The following RPAP3 variants were observed in gnomAD, a reference collection of about 807,000 sequenced individuals.
RPAP3 encodes the protein RNA polymerase II-associated protein 3.
Under a neutral mutation model 88.8 loss-of-function variants are expected in RPAP3, and 58 were observed. That is an observed-to-expected ratio of 0.65 (90% CI 0.53 to 0.81). The LOEUF is 0.81. Among genes scored for constraint, RPAP3 ranks in the 40% least tolerant of loss-of-function variants. RPAP3 has a pLI of 0.00. For missense variants in RPAP3, 751 were observed against 764.3 expected, an observed-to-expected ratio of 0.98 and a Z score of 0.20; for synonymous variants, 255 against 259.9, an observed-to-expected ratio of 0.98 and a Z score of 0.18.
chr12:47,692,469 C>G (rs1294680905), intron 5 of RPAP3, among the ~76,000 whole-genome samples: 2 of 152,196 alleles, frequency 1.3e-5, no homozygotes, highest in African/African-American at 4.8e-5. Context: ...ACCTCATGAA[C>G]CAACTTCTGC....
rs762310030 is a variant in RPAP3 at position 47,679,446 on chromosome 12, TACAACATATTTAAATGGCAAGGAAA to T, written c.1287+22_1287+46del. ...AATAGTTGGTTTCCAATTCTCCTAT[TACAACATATTTAAATGGCAAGGAAA>T]AAATGAAAGTGCTTTACTTACAGTT... is the stretch of plus-strand genomic sequence containing the variant. On this transcript the variant is annotated intron_variant, in intron 12 of 16. Transcript: ENST00000005386. 5.5e-6 allele frequency: 7 copies of T among 1,263,380 alleles called. No individual in the cohort carries two copies. In the African/African-American group the frequency reaches 1.0e-4, roughly 19 times the overall value. The allele number at this position is 1,263,380 out of a possible 1,614,324, so 78.3% of individuals were successfully genotyped here. A position where few individuals can be genotyped will look rare whatever the true frequency, so the allele number is the denominator to read the frequency against.
intron 10 of RPAP3, 41 bp downstream of exon 10, chr12:47,681,655 C>T: frequency 6.3e-7 from 1 of 1,594,128 alleles, no homozygotes; most frequent in Non-Finnish European, 8.5e-7. Flanking sequence ...AACTTGGGCA[C>T]TCATCAGGAT....
intron 12 of RPAP3, among the ~76,000 whole-genome samples, chr12:47,671,322 G>A (rs928481788): frequency 3.9e-5 from 6 of 152,102 alleles, no homozygotes; most frequent in African/African-American, 1.4e-4. Flanking sequence ...ATATACTTTT[G>A]TATATGTTTG....
chr12:47,699,739 T>C (rs1453138243), intron 3 of RPAP3: 1 of 152,140 alleles, frequency 6.6e-6, no homozygotes, highest in African/African-American at 2.4e-5. Flanking sequence ...AAAAGTATTA[T>C]CAATAAGAGA....
intron 9 of RPAP3, among the ~76,000 whole-genome samples, chr12:47,682,645 C>A (rs1939246268): frequency 6.7e-6 from 1 of 150,024 alleles, no homozygotes; most frequent in Admixed American, 6.7e-5. Flanking sequence ...TATTATACTA[C>A]TTTTGTATAA....
chr12:47,671,561 A>G (rs1459696927), intron 12 of RPAP3, among the ~76,000 whole-genome samples: 2 of 152,358 alleles, frequency 1.3e-5, no homozygotes, highest in East Asian at 1.9e-4. Flanking sequence ...CAAAAATGAA[A>G]AAGCTGTAAG....
intron 13 of RPAP3, among the ~76,000 whole-genome samples, chr12:47,669,501 C>T (rs1257837683): frequency 6.6e-6 from 1 of 152,022 alleles, no homozygotes. Context: ...ATAGTATTGT[C>T]CCATGATCTA....
chr12:47,672,437 C>T (rs1349343997), intron 12 of RPAP3, among the ~76,000 whole-genome samples: 3 of 152,184 alleles, frequency 2.0e-5, no homozygotes, highest in Non-Finnish European at 4.4e-5. Flanking sequence ...ATTGCCTCAG[C>T]ATTTATGCAC....
chr12:47,670,020 G>C (rs1353222390), intron 13 of RPAP3, 87 bp downstream of exon 13: 1 of 880,014 alleles, frequency 1.1e-6, no homozygotes, highest in Non-Finnish European at 1.9e-6. Context: ...AGCATGATGA[G>C]TACAAATCAG....
chr12:47,666,244 G>A (rs1229970013), intron 16 of RPAP3, among the ~76,000 whole-genome samples: 5 of 152,072 alleles, frequency 3.3e-5, no homozygotes, highest in African/African-American at 9.7e-5. Flanking sequence ...TTCTCAAAAC[G>A]GACTCTTTAT....
At chr12:47,690,454 T>C (rs1723253239) in intron 6 of RPAP3, 64 bp downstream of exon 6, 2 of 1,352,798 alleles carry the variant, frequency 1.5e-6, no homozygotes, top group African/African-American at 2.9e-5. Context: ...TACTCAGTAT[T>C]CTCCATATAG....
chr12:47,690,381 T>C, intron 6 of RPAP3, 137 bp downstream of exon 6: 2 of 632,902 alleles, frequency 3.2e-6, no homozygotes, highest in Non-Finnish European at 4.9e-6. Flanking sequence ...CAAGATATCA[T>C]TTCAGTTGCA....
chr12:47,670,203 T>C lies in RPAP3; in HGVS notation c.1430A>G (p.Lys477Arg). The change falls in exon 13 of 17, where the codon AAG becomes AGG. Residue 477 changes from lysine (K) to arginine (R), a missense_variant. Transcript: ENST00000005386. ...NVIAATGTTSKKNSSQDDLFP... is the reference protein window; with the variant it reads ...NVIAATGTTSRKNSSQDDLFP... ...AAGGTCATCTTGGCTTGAATTCTTC[T>C]TACTTGTGGTGCCTGTGGCTGCTAT... The C allele has an allele frequency of 6.2e-7, 1 of 1,614,052 alleles. No homozygotes were observed. Among genetic ancestry groups the C allele is most frequent in the Non-Finnish European group, 8.5e-7 (1 of 1,179,926 alleles).
intron 5 of RPAP3, among the ~76,000 whole-genome samples, chr12:47,694,329 C>T (rs1041846015): frequency 6.6e-6 from 1 of 152,056 alleles, no homozygotes; most frequent in Non-Finnish European, 1.5e-5. Flanking sequence ...GAAAGTAGGG[C>T]TATTCCAAAA....
At position 47,686,710 on chromosome 12, in the gene RPAP3, T is replaced by C. The variant is rs149070608; in HGVS notation, c.992+70A>G. 3.6e-4 allele frequency: 447 copies of C among 1,232,428 alleles called. 1 individual carries two copies. The African/African-American group carries it at 6.5e-3, about 18-fold the overall frequency. The allele number at this position is 1,232,428 out of a possible 1,614,324, so 76.3% of individuals were successfully genotyped here. ...GCCATAATTGGCATGTTAGGTAACT[T>C]ATGGTAAAAATTTACCAATTTATTG... is the stretch of plus-strand genomic sequence containing the variant. On this transcript the variant is annotated intron_variant, in intron 9 of 16. Transcript: ENST00000005386.
chr12:47,668,467 T>C (rs1237961038), intron 14 of RPAP3, among the ~76,000 whole-genome samples: 2 of 152,216 alleles, frequency 1.3e-5, no homozygotes, highest in Non-Finnish European at 2.9e-5. Context: ...TAATTTTATA[T>C]TGCATAATTA....
chr12:47,670,228 T>C lies in RPAP3; in HGVS notation c.1405A>G (p.Ile469Val), dbSNP rs766275122. Reference sequence around the variant, plus strand: ...TTACTTGTGGTGCCTGTGGCTGCTATTACATTTGCTAGATTAATAGGATTA... The same window carrying C: ...TTACTTGTGGTGCCTGTGGCTGCTACTACATTTGCTAGATTAATAGGATTA... Reference protein sequence around the residue: ...ENNPINLANVIAATGTTSKKN... With the variant: ...ENNPINLANVVAATGTTSKKN... The change falls in exon 13 of 17, where the codon ATA becomes GTA. Residue 469 changes from isoleucine (I) to valine (V), a missense_variant. Ile to Val is a conservative substitution (Grantham distance 29). Coordinates refer to ENST00000005386, the MANE Select transcript of RPAP3 (RefSeq NM_024604.3). 2 of 1,613,636 alleles carry C rather than the reference T, an allele frequency of 1.2e-6. No individual in the cohort carries two copies. The highest frequency in any genetic ancestry group is 4.5e-5 in the East Asian group (2 of 44,874).
At chr12:47,703,531 C>T (rs10783212) in intron 1 of RPAP3, among the ~76,000 whole-genome samples, 59,608 of 151,878 alleles carry the variant, frequency 0.39, 12,033 homozygotes, top group Middle Eastern at 0.5. Context: ...GAGAACCCTG[C>T]GTCAGAGGTA....
At position 47,688,325 on chromosome 12, in the gene RPAP3, T is replaced by C. The variant is rs377710900; in HGVS notation, c.739-324A>G. On this transcript the variant is annotated intron_variant, in intron 7 of 16. Coordinates refer to ENST00000005386, the MANE Select transcript of RPAP3 (RefSeq NM_024604.3). ...AACAACAGACACTATAGACTACCTG[T>C]TGGGGAGAGAAACATTGGGGTGGGG... Among the ~76,000 whole-genome samples, 3 of 151,642 alleles carry C rather than the reference T, an allele frequency of 2.0e-5. No individual in the cohort carries two copies. The East Asian group carries it at 5.8e-4, about 29-fold the overall frequency.
Sources: gnomAD v4.1 joint callset for allele counts (sites outside exome capture counted in the v4.1 genomes callset) on GRCh38, gnomAD v4.1.1 for gene constraint, MANE v1.5 for transcripts, NCBI Gene and HGNC (gene_info 2026-07-23, HGNC 2026-07-21) for gene names.